MPDZ: variants seen among roughly 807,000 people sequenced by gnomAD.
The protein encoded by MPDZ is multiple PDZ domain protein.
A neutral mutation model predicts 239.1 loss-of-function variants in MPDZ; 234 were observed. The observed-to-expected ratio is 0.98, with a 90% CI of 0.88 to 1.09. MPDZ has a LOEUF of 1.09. MPDZ is among the 50% of genes least tolerant of loss of function. The pLI is 0.00. For missense variants in MPDZ, 3,175 were observed against 2,510.0 expected (o/e 1.26, Z -5.66); for synonymous variants, 1,048 against 881.3 (o/e 1.19, Z -3.35).
At chr9:13,222,586 T>TA (rs1752545993) in intron 5 of MPDZ, 140 bp from the exon 6 acceptor site, 20 of 671,614 alleles carry the variant, frequency 3.0e-5, no homozygotes, top group Admixed American at 5.7e-5. Flanking sequence ...AGTTCTACTT[T>TA]AAAAAAAATA....
At chr9:13,249,646 A>G (rs1300256124) in intron 2 of MPDZ, among the ~76,000 whole-genome samples, 1 of 152,220 alleles carries the variant, frequency 6.6e-6, no homozygotes, top group Non-Finnish European at 1.5e-5. Flanking sequence ...TCATACCCAA[A>G]GAGTTACCTG....
intron 1 of MPDZ, among the ~76,000 whole-genome samples, chr9:13,274,764 G>A (rs1181221054): frequency 6.6e-6 from 1 of 151,988 alleles, no homozygotes; most frequent in Admixed American, 6.6e-5. Context: ...ACAGTTTTTA[G>A]ATCAATGGAA....
At chr9:13,172,716 A>G (rs1951951685) in intron 21 of MPDZ, among the ~76,000 whole-genome samples, 1 of 152,180 alleles carries the variant, frequency 6.6e-6, no homozygotes, top group South Asian at 2.1e-4. Context: ...AAAAAATGAC[A>G]GGGCTCTTTT....
chr9:13,223,582 A>G lies in MPDZ; in HGVS notation c.522T>C (p.Ser174=). The G allele has an allele frequency of 6.2e-7, 1 of 1,611,538 alleles. No individual in the cohort carries two copies. Among genetic ancestry groups the G allele is most frequent in the South Asian group, 1.1e-5 (1 of 90,880 alleles). ...CGCGACCATCTCACCTATGGGCCAC[A>G]CTGCCCTCTTGTATCTCTTGAACAA... is the stretch of plus-strand genomic sequence containing the variant. The part of the protein sequence containing the change: ...GIFVQEIQEG[S]VAHRDGRLKE... The change falls in exon 5 of 47, where the codon AGT becomes AGC. Residue 174 remains serine, a synonymous_variant. Coordinates refer to ENST00000319217, the MANE Select transcript of MPDZ (RefSeq NM_001378778.1).
At chr9:13,114,704 A>G (rs1943093405) in intron 40 of MPDZ, among the ~76,000 whole-genome samples, 1 of 152,072 alleles carries the variant, frequency 6.6e-6, no homozygotes, top group Non-Finnish European at 1.5e-5. Flanking sequence ...GTTTGAGACC[A>G]GCCTGGCTGA....
intron 5 of MPDZ, 57 bp downstream of exon 5, chr9:13,223,514 A>C: frequency 6.5e-7 from 1 of 1,540,788 alleles, no homozygotes; most frequent in Non-Finnish European, 8.7e-7. Flanking sequence ...CCTGCATAGT[A>C]ACCAAAACCT....
chr9:13,234,574 T>C (rs780463098), intron 3 of MPDZ, among the ~76,000 whole-genome samples: 30 of 152,282 alleles, frequency 2.0e-4, no homozygotes, highest in Middle Eastern at 3.4e-3. Context: ...AAAATACTTA[T>C]GTTTGATGGA....
rs745617578 is a variant in MPDZ at position 13,147,672 on chromosome 9, C to T, written c.3631-14G>A. 1.9e-6 allele frequency: 3 copies of T among 1,585,596 alleles called. No homozygotes were observed. In the African/African-American group the frequency reaches 4.0e-5, roughly 21 times the overall value. ...CATTCCATCCACCTGCAATGGAAGG[C>T]CTCAGCTTAACATTTCAAGAATCTA... is the stretch of plus-strand genomic sequence containing the variant. On this transcript the variant is annotated splice_polypyrimidine_tract_variant and intron_variant, in intron 25 of 46. Transcript: ENST00000319217.
intron 46 of MPDZ, 128 bp from the exon 47 acceptor site, chr9:13,107,239 G>T: frequency 1.0e-6 from 1 of 991,910 alleles, no homozygotes; most frequent in South Asian, 2.3e-5. Flanking sequence ...AGTGCTCCAT[G>T]GGTGCTCTAA....
At chr9:13,131,758 C>T (rs991566307) in intron 32 of MPDZ, among the ~76,000 whole-genome samples, 2 of 152,136 alleles carry the variant, frequency 1.3e-5, no homozygotes, top group South Asian at 2.1e-4. Context: ...GGCTTCTGTA[C>T]GTTAAGTCCC....
At chr9:13,260,862 C>T (rs1289411399) in intron 1 of MPDZ, among the ~76,000 whole-genome samples, 1 of 152,154 alleles carries the variant, frequency 6.6e-6, no homozygotes, top group African/African-American at 2.4e-5. Flanking sequence ...TGGTTTACAC[C>T]TTTCTAAACA....
rs181397195 is a variant in MPDZ, at chr9:13,162,675, T to G, written c.3359+16A>C. The G allele has an allele frequency of 6.4e-5, 98 of 1,542,876 alleles. No homozygotes were observed. The highest frequency in any genetic ancestry group is 1.0e-4 in the Admixed American group (6 of 59,406). Reference sequence around the variant, plus strand: ...TGCTGTACCATTCATTGTATTAGATTTAATGTTTCACTTACCTGCCAGTGT... The same window carrying G: ...TGCTGTACCATTCATTGTATTAGATGTAATGTTTCACTTACCTGCCAGTGT... On this transcript the variant is annotated intron_variant, in intron 23 of 46. Transcript: ENST00000319217.
At chr9:13,221,682 T>C (rs1006420745) in intron 6 of MPDZ, among the ~76,000 whole-genome samples, 182 bp from the exon 7 acceptor site, 3 of 152,058 alleles carry the variant, frequency 2.0e-5, no homozygotes, top group East Asian at 1.9e-4. Flanking sequence ...GTAAGTGCCA[T>C]TGACAGAATC....
At chr9:13,274,313 T>C (rs1288648658) in intron 1 of MPDZ, among the ~76,000 whole-genome samples, 1 of 151,994 alleles carries the variant, frequency 6.6e-6, no homozygotes, top group African/African-American at 2.4e-5. Flanking sequence ...TTAATAAATG[T>C]TTCATTTTTC....
At chr9:13,230,953 A>C (rs183675621) in intron 3 of MPDZ, among the ~76,000 whole-genome samples, 7 of 152,264 alleles carry the variant, frequency 4.6e-5, no homozygotes, top group Admixed American at 4.6e-4. Context: ...TCCGAATCAA[A>C]AAGCTAAAAT....
chr9:13,115,877 G>A (rs980680291), intron 39 of MPDZ, among the ~76,000 whole-genome samples: 15 of 150,574 alleles, frequency 1.0e-4, no homozygotes, highest in East Asian at 5.9e-4. Flanking sequence ...CCTGGGAGGC[G>A]GAGCTTGCAG....
At chr9:13,182,906 T>A (rs955941412) in intron 19 of MPDZ, among the ~76,000 whole-genome samples, 1 of 152,160 alleles carries the variant, frequency 6.6e-6, no homozygotes, top group Non-Finnish European at 1.5e-5. Flanking sequence ...GACATAAACA[T>A]AATTTACCAT....
chr9:13,200,500 A>C (rs1043795480), intron 12 of MPDZ, among the ~76,000 whole-genome samples: 2 of 151,804 alleles, frequency 1.3e-5, no homozygotes, highest in Non-Finnish European at 2.9e-5. Context: ...TCTAAGGTTC[A>C]TAATTAGTTT....
intron 1 of MPDZ, among the ~76,000 whole-genome samples, chr9:13,276,417 T>C (rs1974210121): frequency 6.6e-6 from 1 of 152,200 alleles, no homozygotes; most frequent in African/African-American, 2.4e-5. Context: ...CTCCTATGCA[T>C]GACACTAATT....
Sources: allele counts gnomAD v4.1 joint callset (sites outside exome capture counted in the v4.1 genomes callset), GRCh38; gene constraint gnomAD v4.1.1; transcripts MANE v1.5; gene names NCBI Gene and HGNC (gene_info 2026-07-23, HGNC 2026-07-21).